The following INPP4B variants were observed in gnomAD, a reference collection of about 807,000 sequenced individuals.
INPP4B encodes the protein inositol polyphosphate-4-phosphatase type II B.
INPP4B carries 55 observed loss-of-function variants against 122.5 expected under a neutral mutation model. The ratio of observed to expected loss-of-function variants is 0.45; its 90% CI spans 0.36 to 0.56. The LOEUF (loss-of-function observed/expected upper bound fraction) is 0.56. INPP4B is among the 20% of genes least tolerant of loss of function. The probability of loss-of-function intolerance (pLI) is 0.00; values close to 1 mark genes in which losing one functional copy is unlikely to be tolerated. For synonymous variants in INPP4B, 403 were observed against 388.7 expected (o/e 1.04, Z -0.43); for missense variants, 1,000 against 1,097.7 (o/e 0.91, Z 1.26).
intron 7 of INPP4B, among the ~76,000 whole-genome samples, chr4:142,320,264 C>G (rs1769485135): frequency 6.6e-6 from 1 of 152,182 alleles, no homozygotes; most frequent in Admixed American, 6.5e-5. Context: ...AGGTCAGGCT[C>G]TCCTCAGATG....
chr4:142,776,028 T>C (rs1277372214), intron 1 of INPP4B, among the ~76,000 whole-genome samples: 2 of 152,206 alleles, frequency 1.3e-5, no homozygotes, highest in Non-Finnish European at 2.9e-5. Context: ...TCTTTCCATA[T>C]AGAGCATATA....
chr4:142,134,971 G>A (rs577710720), intron 18 of INPP4B, among the ~76,000 whole-genome samples: 2 of 151,996 alleles, frequency 1.3e-5, no homozygotes, highest in East Asian at 3.9e-4. Flanking sequence ...TTTGGTACTT[G>A]TATGTTGTAT....
intron 5 of INPP4B, among the ~76,000 whole-genome samples, chr4:142,424,702 T>C (rs546656930): frequency 1.3e-5 from 2 of 152,230 alleles, no homozygotes; most frequent in Non-Finnish European, 2.9e-5. Context: ...ATAGCTTATA[T>C]TCATCAACTC....
chr4:142,640,020 G>A (rs1473825283), intron 2 of INPP4B, among the ~76,000 whole-genome samples: 2 of 152,014 alleles, frequency 1.3e-5, no homozygotes, highest in East Asian at 1.9e-4. Flanking sequence ...TCATAATTCA[G>A]TAATAATATG....
intron 23 of INPP4B, among the ~76,000 whole-genome samples, chr4:142,097,767 A>G (rs928328271): frequency 2.0e-5 from 3 of 152,188 alleles, no homozygotes; most frequent in African/African-American, 7.2e-5. Context: ...TCACTCAACA[A>G]TTATTAACAG....
chr4:142,294,829 C>CAAAAAAAAAAAAAAAAAAAAAAAAAAAA lies in INPP4B; in HGVS notation c.503+10628_503+10629insTTTTTTTTTTTTTTTTTTTTTTTTTTTT, dbSNP rs57430432. On this transcript the variant is annotated intron_variant, in intron 9 of 25. Coordinates refer to ENST00000262992, the MANE Select transcript of INPP4B (RefSeq NM_001101669.3). The stretch of plus-strand genomic sequence containing the variant: ...CGGGCGACAGAGCGAGACTCCGTCT[C>CAAAAAAAAAAAAAAAAAAAAAAAAAAAA]AAAAAAAAAAAAAAAAAAAAAAAAA... 9.5e-4 allele frequency among the ~76,000 whole-genome samples: 27 copies of CAAAAAAAAAAAAAAAAAAAAAAAAAAAA among 28,476 alleles called. 9 individuals carry two copies. Among genetic ancestry groups the CAAAAAAAAAAAAAAAAAAAAAAAAAAAA allele is most frequent in the Non-Finnish European group, 1.2e-3 (19 of 15,742 alleles). 18.7% of individuals were successfully genotyped at this position (28,476 alleles called of 152,430 possible). A position where few individuals can be genotyped will look rare whatever the true frequency, so the allele number is the denominator to read the frequency against.
chr4:142,212,829 A>T (rs1408733568), intron 12 of INPP4B, among the ~76,000 whole-genome samples: 1 of 152,214 alleles, frequency 6.6e-6, no homozygotes, highest in Non-Finnish European at 1.5e-5. Context: ...GCCTACCCTT[A>T]GTCCCAGAAC....
At chr4:142,726,467 G>A (rs1443874533) in intron 1 of INPP4B, among the ~76,000 whole-genome samples, 1 of 152,132 alleles carries the variant, frequency 6.6e-6, no homozygotes, top group African/African-American at 2.4e-5. Flanking sequence ...GCTGCAACAA[G>A]GAGGAAAGTA....
chr4:142,269,769 CT>C (rs777676566), intron 10 of INPP4B, among the ~76,000 whole-genome samples: 1 of 152,090 alleles, frequency 6.6e-6, no homozygotes, highest in Non-Finnish European at 1.5e-5. Flanking sequence ...GTTAATTAAC[CT>C]GATTAATCAT....
At chr4:142,294,809 G>A (rs984517767) in intron 9 of INPP4B, among the ~76,000 whole-genome samples, 83 of 87,158 alleles carry the variant, frequency 9.5e-4, no homozygotes, top group Non-Finnish European at 1.5e-3. Context: ...CAGCCCGGGC[G>A]ACAGAGCGAG....
chr4:142,604,429 G>A (rs903248452), intron 2 of INPP4B, among the ~76,000 whole-genome samples: 7 of 151,922 alleles, frequency 4.6e-5, no homozygotes, highest in Non-Finnish European at 1.0e-4. Flanking sequence ...AAAAGAGGAA[G>A]TTAAATTTGT....
At chr4:142,034,318 G>T (rs1237381954) in intron 25 of INPP4B, among the ~76,000 whole-genome samples, 1 of 151,998 alleles carries the variant, frequency 6.6e-6, no homozygotes, top group African/African-American at 2.4e-5. Flanking sequence ...AGCAGGTGGG[G>T]CCCAGGGATG....
chr4:142,396,912 G>T (rs538521255), intron 7 of INPP4B, among the ~76,000 whole-genome samples: 4 of 152,056 alleles, frequency 2.6e-5, no homozygotes, highest in African/African-American at 9.7e-5. Flanking sequence ...GTAGGAAAGT[G>T]TTTGCCTCAG....
chr4:142,106,133 A>T (rs1786980406), intron 23 of INPP4B, among the ~76,000 whole-genome samples: 1 of 152,222 alleles, frequency 6.6e-6, no homozygotes, highest in Admixed American at 6.5e-5. Context: ...TCAGAAAACA[A>T]TCCAGTATGT....
intron 1 of INPP4B, among the ~76,000 whole-genome samples, chr4:142,730,948 C>T (rs186209299): frequency 1.7e-4 from 22 of 126,124 alleles, no homozygotes; most frequent in South Asian, 2.6e-4. Flanking sequence ...CAGTTGTTGC[C>T]GCACCAAGTT....
chr4:142,448,655 C>G (rs1461696642), intron 3 of INPP4B, among the ~76,000 whole-genome samples: 1 of 152,144 alleles, frequency 6.6e-6, no homozygotes, highest in African/African-American at 2.4e-5. Flanking sequence ...TTGCCTTTGT[C>G]TTTTCTGTTC....
chr4:142,790,377 A>G (rs545530562), intron 1 of INPP4B, among the ~76,000 whole-genome samples: 1 of 152,158 alleles, frequency 6.6e-6, no homozygotes, highest in Non-Finnish European at 1.5e-5. Context: ...GAAAAAAAAC[A>G]AACAATCCCA....
intron 2 of INPP4B, among the ~76,000 whole-genome samples, chr4:142,702,654 T>C (rs1190756970): frequency 2.2e-5 from 3 of 136,634 alleles, no homozygotes; most frequent in African/African-American, 5.7e-5. Context: ...CACTTGAACC[T>C]GGGAGGCGGA....
At chr4:142,752,445 G>A (rs910194559) in intron 1 of INPP4B, among the ~76,000 whole-genome samples, 13 of 152,088 alleles carry the variant, frequency 8.5e-5, no homozygotes, top group South Asian at 2.1e-4. Context: ...CTGAATTTCC[G>A]CCCAAGCTTC....
Sources: allele counts gnomAD v4.1 joint callset (sites outside exome capture counted in the v4.1 genomes callset), GRCh38; gene constraint gnomAD v4.1.1; transcripts MANE v1.5; gene names NCBI Gene and HGNC (gene_info 2026-07-23, HGNC 2026-07-21).